The following ZNF609 variants were observed in gnomAD, a reference collection of about 807,000 sequenced individuals.
ZNF609 encodes zinc finger protein 609.
A neutral mutation model predicts 109.5 loss-of-function variants in ZNF609; 11 were observed. The ratio of observed to expected loss-of-function variants is 0.10; its 90% CI spans 0.06 to 0.17. The LOEUF (loss-of-function observed/expected upper bound fraction) is 0.17, where lower values mean the gene tolerates loss of function less well. Among genes scored for constraint, ZNF609 ranks in the 10% least tolerant of loss-of-function variants. ZNF609 has a pLI of 1.00. For missense variants in ZNF609, 1,559 were observed against 1,772.4 expected (o/e 0.88, Z 2.16); for synonymous variants, 646 against 662.0 (o/e 0.98, Z 0.37).
rs1896321124 is a variant in ZNF609, at chr15:64,645,378, A to G, written c.973+22326A>G. ...AATGCTGGGATTACAGGCATGAGCC[A>G]TTGCACTCGGCGTCCTACATTTTCT... On this transcript the variant is annotated intron_variant, in intron 3 of 9. Transcript: ENST00000326648. Among the ~76,000 whole-genome samples the G allele has an allele frequency of 3.3e-5, 5 of 151,922 alleles. No homozygotes were observed. In the South Asian group the frequency reaches 1.0e-3, roughly 31 times the overall value.
At chr15:64,526,850 A>G (rs1159119570) in intron 2 of ZNF609, among the ~76,000 whole-genome samples, 2 of 152,134 alleles carry the variant, frequency 1.3e-5, no homozygotes, top group African/African-American at 4.8e-5. Context: ...TATGTTGCCC[A>G]GGCTGCCCAG....
chr15:64,568,558 G>A (rs1436796727), intron 2 of ZNF609, among the ~76,000 whole-genome samples: 1 of 152,134 alleles, frequency 6.6e-6, no homozygotes, highest in Non-Finnish European at 1.5e-5. Context: ...AGTTCTTAAA[G>A]TTTCCCAGGT....
chr15:64,677,072 GT>G (rs1324589083), intron 5 of ZNF609, among the ~76,000 whole-genome samples: 1 of 150,864 alleles, frequency 6.6e-6, no homozygotes. Context: ...TTATTTTTAT[GT>G]TTTTATAGAG....
intron 3 of ZNF609, among the ~76,000 whole-genome samples, chr15:64,647,148 A>C (rs1307423460): frequency 6.6e-6 from 1 of 151,828 alleles, no homozygotes; most frequent in African/African-American, 2.4e-5. Context: ...AAAAAAAAAA[A>C]ATGAAGTTCT....
intron 2 of ZNF609, among the ~76,000 whole-genome samples, chr15:64,599,793 CTTG>C (rs1895464125): frequency 6.6e-6 from 1 of 152,184 alleles, no homozygotes; most frequent in African/African-American, 2.4e-5. Context: ...AACCAAGCAG[CTTG>C]TTGTTCTTTA....
chr15:64,674,624 G>A lies in ZNF609; in HGVS notation c.1770G>A (p.Lys590=), dbSNP rs561405916. 6.2e-7 allele frequency: 1 copy of A among 1,614,136 alleles called. No individual in the cohort carries two copies. The highest frequency in any genetic ancestry group is 1.1e-5 in the South Asian group (1 of 91,084). The stretch of plus-strand genomic sequence containing the variant: ...AATTCAGCACAAAAGGCCTCTGTAA[G>A]AAAAAGTTGAGTGGGGAAGGGGACA... ...SSKFSTKGLC[K]KKLSGEGDTD... The change falls in exon 5 of 10, where the codon AAG becomes AAA. Residue 590 remains lysine, a synonymous_variant. Coordinates refer to ENST00000326648, the MANE Select transcript of ZNF609 (RefSeq NM_015042.2).
At chr15:64,466,830 C>T (rs919239200) in intron 1 of ZNF609, among the ~76,000 whole-genome samples, 1 of 152,082 alleles carries the variant, frequency 6.6e-6, no homozygotes, top group Non-Finnish European at 1.5e-5. Context: ...TATCCCACTT[C>T]CCTACCCTGA....
chr15:64,525,256 A>G (rs1167554705), intron 2 of ZNF609, among the ~76,000 whole-genome samples: 1 of 152,150 alleles, frequency 6.6e-6, no homozygotes, highest in African/African-American at 2.4e-5. Flanking sequence ...ATTTTTCTAT[A>G]TGGTGTGAAG....
intron 2 of ZNF609, chr15:64,593,120 G>T (rs1189032832): frequency 1.4e-5 from 23 of 1,590,642 alleles, no homozygotes; most frequent in Non-Finnish European, 2.0e-5. Context: ...AGTGGAGTCC[G>T]CAGCAGTCAG....
At chr15:64,460,303 T>G (rs2140322762), upstream of ZNF609, among the ~76,000 whole-genome samples, 1 of 152,302 alleles carries the variant, frequency 6.6e-6, no homozygotes, top group Middle Eastern at 3.4e-3. Context: ...AGAGTTCTAC[T>G]GCCCACGAGG....
In ZNF609 at chr15:64,622,157, GC is replaced by G. The variant is rs1895886215; in HGVS notation, c.748-668del. On this transcript the variant is annotated intron_variant, in intron 2 of 9. Coordinates refer to ENST00000326648, the MANE Select transcript of ZNF609 (RefSeq NM_015042.2). ...TGATGTTAGAATTATATTCCAAGATGCCATTCTCATTAAACAACCACTGTTA... is the reference window on the plus strand; with the variant it reads ...TGATGTTAGAATTATATTCCAAGATGCATTCTCATTAAACAACCACTGTTA... Among the ~76,000 whole-genome samples the G allele has an allele frequency of 2.6e-5, 4 of 152,270 alleles. No homozygotes were observed. In the South Asian group the frequency reaches 8.3e-4, roughly 32 times the overall value.
chr15:64,496,834 GAC>G (rs1236429832), intron 1 of ZNF609, among the ~76,000 whole-genome samples: 4 of 148,462 alleles, frequency 2.7e-5, no homozygotes, highest in Non-Finnish European at 5.9e-5. Context: ...TTTTTTTTGA[GAC>G]AGCGTCTCGC....
At chr15:64,671,486 A>T (rs771445193) in intron 4 of ZNF609, 2 of 152,220 alleles carry the variant, frequency 1.3e-5, no homozygotes, top group African/African-American at 4.8e-5. Context: ...TTCATTGATG[A>T]TAGCTATTTC....
intron 2 of ZNF609, among the ~76,000 whole-genome samples, chr15:64,600,458 A>G (rs1895477414): frequency 6.9e-6 from 1 of 145,604 alleles, no homozygotes; most frequent in Admixed American, 6.8e-5. Flanking sequence ...TCAAAAAAAA[A>G]AAAAAAAAGA....
At chr15:64,555,417 C>T (rs558460962) in intron 2 of ZNF609, among the ~76,000 whole-genome samples, 2 of 152,228 alleles carry the variant, frequency 1.3e-5, no homozygotes, top group East Asian at 3.9e-4. Flanking sequence ...GTAATCCCAG[C>T]ACTTTGGAGG....
At chr15:64,588,203 C>T (rs1411324628) in intron 2 of ZNF609, among the ~76,000 whole-genome samples, 12 of 148,534 alleles carry the variant, frequency 8.1e-5, no homozygotes, top group East Asian at 4.2e-4. Context: ...CCGAGGCGGG[C>T]GGATCACGAG....
intron 1 of ZNF609, among the ~76,000 whole-genome samples, chr15:64,477,366 T>A (rs946550466): frequency 2.6e-5 from 4 of 151,942 alleles, no homozygotes; most frequent in Non-Finnish European, 4.4e-5. Context: ...GGTCTCGATC[T>A]CCTGACCTCG....
At chr15:64,565,232 G>GTATTATTAT (rs60734525) in intron 2 of ZNF609, among the ~76,000 whole-genome samples, 295 of 138,730 alleles carry the variant, frequency 2.1e-3, no homozygotes, top group East Asian at 0.02. Context: ...GCTAATTTTT[G>GTATTATTAT]TATTATTATT....
chr15:64,674,649 A>G lies in ZNF609; in HGVS notation c.1795A>G (p.Thr599Ala), dbSNP rs200372276. 6.2e-7 allele frequency: 1 copy of G among 1,614,228 alleles called. No homozygotes were observed. Among genetic ancestry groups the G allele is most frequent in the East Asian group, 2.2e-5 (1 of 44,888 alleles). ...CKKKLSGEGDTDLGALSNDGS... is the reference protein window; with the variant it reads ...CKKKLSGEGDADLGALSNDGS... ...GAAAAAGTTGAGTGGGGAAGGGGACACAGACCTTGGGGCCTTATCCAATGA... is the reference window on the plus strand; with the variant it reads ...GAAAAAGTTGAGTGGGGAAGGGGACGCAGACCTTGGGGCCTTATCCAATGA... Residue 599 changes from threonine to alanine, a missense_variant, in exon 5 of 10, where the codon ACA (threonine) becomes GCA (alanine). Transcript: ENST00000326648.
Sources: gnomAD v4.1 joint callset for allele counts (sites outside exome capture counted in the v4.1 genomes callset) on GRCh38, gnomAD v4.1.1 for gene constraint, MANE v1.5 for transcripts, NCBI Gene and HGNC (gene_info 2026-07-23, HGNC 2026-07-21) for gene names.